Variants in GRAMD4 observed in about 807,000 individuals in gnomAD.
GRAMD4 encodes GRAM domain containing 4, also known as GRAM domain-containing protein 4.
GRAMD4 carries 25 observed loss-of-function variants against 83.9 expected under a neutral mutation model. The observed-to-expected ratio is 0.30, with a 90% CI of 0.22 to 0.42. GRAMD4 has a LOEUF of 0.42. GRAMD4 is among the 10% of genes least tolerant of loss of function. The pLI is 1.00. For synonymous variants in GRAMD4, 336 were observed against 320.9 expected, an observed-to-expected ratio of 1.05 and a Z score of -0.50; for missense variants, 593 against 788.7, an observed-to-expected ratio of 0.75 and a Z score of 2.97.
Position 46,621,920 on chromosome 22 carries a change from G to T in GRAMD4, c.-50+1355G>T, listed in dbSNP as rs1381593242. 6.6e-6 allele frequency among the ~76,000 whole-genome samples: 1 copy of T among 152,210 alleles called. No individual in the cohort carries two copies. The highest frequency in any genetic ancestry group is 2.4e-5 in the African/African-American group (1 of 41,446). ...TGGACCCAGGGAGTTGGGTGAGGAG[G>T]GTGGTGGAGTCAGTGGGGCTGAGAG... On this transcript the variant is annotated intron_variant, in intron 1 of 18. Coordinates refer to ENST00000406902, the MANE Select transcript of GRAMD4 (RefSeq NM_015124.5). The surrounding 1 kb of genome is among the most constrained non-coding windows in gnomAD (Gnocchi z 5.8).
chr22:46,621,828 G>A lies in GRAMD4; in HGVS notation c.-50+1263G>A, dbSNP rs2081580537. Among the ~76,000 whole-genome samples the A allele has an allele frequency of 6.6e-6, 1 of 152,246 alleles. No homozygotes were observed. The highest frequency in any genetic ancestry group is 1.5e-5 in the Non-Finnish European group (1 of 68,038). On this transcript the variant is annotated intron_variant, in intron 1 of 18. Transcript: ENST00000406902. The surrounding 1 kb of genome is among the most constrained non-coding windows in gnomAD (Gnocchi z 5.8). Reference sequence around the variant, plus strand: ...GAAGGTCCATCCCTGGCAGTGTGTGGTGACATGTGTCGTGACATGGAGTTT... The same window carrying A: ...GAAGGTCCATCCCTGGCAGTGTGTGATGACATGTGTCGTGACATGGAGTTT...
Position 46,677,449 on chromosome 22 carries a change from C to T in GRAMD4, c.*198C>T. On this transcript the variant is annotated 3_prime_UTR_variant, in exon 19 of 19. Transcript: ENST00000406902. ...GCCAGGGCTCACAGGGACGGGGGTG[C>T]CCCTCTCCCACAGGGCACGTCAGGT... The T allele has an allele frequency of 7.4e-7, 1 of 1,346,570 alleles. No homozygotes were observed. The highest frequency in any genetic ancestry group is 9.5e-7 in the Non-Finnish European group (1 of 1,047,982). 83.4% of individuals were successfully genotyped at this position (1,346,570 alleles called of 1,614,324 possible).
intron 3 of GRAMD4, among the ~76,000 whole-genome samples, chr22:46,655,222 C>A (rs1466640199): frequency 6.6e-6 from 1 of 151,560 alleles, no homozygotes; most frequent in Non-Finnish European, 1.5e-5. Flanking sequence ...GTGGCTTAAG[C>A]CCAAAAAGCA....
chr22:46,591,204 T>C (rs2081204050), intron 1 of GRAMD4, among the ~76,000 whole-genome samples: 1 of 152,230 alleles, frequency 6.6e-6, no homozygotes, highest in African/African-American at 2.4e-5. Flanking sequence ...TCTTAAATTC[T>C]CTCTTCAGGG....
intron 1 of GRAMD4, chr22:46,587,896 T>A: frequency 1.0e-6 from 1 of 985,176 alleles, no homozygotes; most frequent in Non-Finnish European, 1.2e-6. Context: ...GGGAGGATGG[T>A]ACAGGGCTCC....
chr22:46,583,871 C>G (rs545882440), intron 1 of GRAMD4, among the ~76,000 whole-genome samples: 1 of 152,168 alleles, frequency 6.6e-6, no homozygotes, highest in Admixed American at 6.5e-5. Context: ...TCACTACACG[C>G]GGCCACACTT....
At position 46,658,135 on chromosome 22, in the gene GRAMD4, C is replaced by T. The variant is rs1194643205; in HGVS notation, c.284-52C>T. 3.1e-6 allele frequency: 5 copies of T among 1,609,558 alleles called. No individual in the cohort carries two copies. The South Asian group carries it at 3.3e-5, about 11-fold the overall frequency. ...CACCCCTGCCCCAGCATCCCAGAGT[C>T]GGGGTCGCGTGGACATGAGCGATGG... On this transcript the variant is annotated intron_variant, in intron 3 of 18. Coordinates refer to ENST00000406902, the MANE Select transcript of GRAMD4 (RefSeq NM_015124.5).
downstream of GRAMD4, among the ~76,000 whole-genome samples, chr22:46,680,686 CT>C (rs2082661729): frequency 8.8e-6 from 1 of 113,092 alleles, no homozygotes; most frequent in Admixed American, 8.7e-5. Context: ...ATCCACCCAC[CT>C]ATTCATCCAC....
Position 46,626,797 on chromosome 22 carries a change from A to C in GRAMD4, c.-3A>C. ...GGTGAAGCAGAGGACCTCAGTGCTG[A>C]ACATGCTAAGGAGGTTGGACAAAAT... is the stretch of plus-strand genomic sequence containing the variant. On this transcript the variant is annotated 5_prime_UTR_variant, in exon 2 of 19. Coordinates refer to ENST00000406902, the MANE Select transcript of GRAMD4 (RefSeq NM_015124.5). 1 of 1,613,858 alleles carries C rather than the reference A, an allele frequency of 6.2e-7. No individual in the cohort carries two copies. Among genetic ancestry groups the C allele is most frequent in the Non-Finnish European group, 8.5e-7 (1 of 1,179,766 alleles).
intron 1 of GRAMD4, among the ~76,000 whole-genome samples, chr22:46,601,871 C>T (rs1476584935): frequency 6.6e-6 from 1 of 152,152 alleles, no homozygotes; most frequent in Non-Finnish European, 1.5e-5. Flanking sequence ...CCGAACTCAC[C>T]ATGGATCAAG....
intron 3 of GRAMD4, among the ~76,000 whole-genome samples, chr22:46,645,119 G>C (rs913653239): frequency 6.6e-6 from 1 of 151,704 alleles, no homozygotes; most frequent in African/African-American, 2.4e-5. Flanking sequence ...ATAGTTCTTC[G>C]CAGGCTGTCT....
chr22:46,673,029 G>T lies in GRAMD4; in HGVS notation c.1239+32G>T, dbSNP rs1020971340. The T allele has an allele frequency of 2.6e-6, 4 of 1,513,570 alleles. No homozygotes were observed. The African/African-American group carries it at 4.4e-5, about 17-fold the overall frequency. 93.8% of individuals were successfully genotyped at this position (1,513,570 alleles called of 1,614,324 possible). On this transcript the variant is annotated intron_variant, in intron 14 of 18. Coordinates refer to ENST00000406902, the MANE Select transcript of GRAMD4 (RefSeq NM_015124.5). ...CCGGCCCCCAGCTGCGGGGATGGGG[G>T]GATGGGGGGCCACGAAGCCGGGCAT...
intron 13 of GRAMD4, among the ~76,000 whole-genome samples, chr22:46,670,192 T>G (rs1430994333): frequency 6.6e-6 from 1 of 152,202 alleles, no homozygotes; most frequent in Non-Finnish European, 1.5e-5. Context: ...GAAGAGCAGA[T>G]GCCCCCTGCC....
Position 46,621,032 on chromosome 22 carries a change from C to T in GRAMD4, c.-50+467C>T, listed in dbSNP as rs1484327504. On this transcript the variant is annotated intron_variant, in intron 1 of 18. Coordinates refer to ENST00000406902, the MANE Select transcript of GRAMD4 (RefSeq NM_015124.5). This position sits in a 1 kb window ranked among gnomAD's most constrained non-coding sequence, Gnocchi z 5.8. ...GTGGAGGGGCTGGTCCTGGGGAGAG[C>T]GGCTGGGCTGCAGGCTGAGGAGCTG... 3.4e-5 allele frequency among the ~76,000 whole-genome samples: 5 copies of T among 146,510 alleles called. No homozygotes were observed. The highest frequency in any genetic ancestry group is 2.2e-4 in the South Asian group (1 of 4,448).
chr22:46,639,305 G>A (rs2081939091), intron 3 of GRAMD4, among the ~76,000 whole-genome samples: 1 of 151,998 alleles, frequency 6.6e-6, no homozygotes, highest in African/African-American at 2.4e-5. Context: ...TGTGTGCAGC[G>A]GTGGTTAACC....
intron 1 of GRAMD4, among the ~76,000 whole-genome samples, chr22:46,611,300 C>T (rs1000312886): frequency 4.0e-5 from 6 of 151,886 alleles, no homozygotes; most frequent in South Asian, 2.1e-4. Context: ...GGCAGAGGGG[C>T]CTATGAGCTG....
chr22:46,654,508 C>T (rs1184446009), intron 3 of GRAMD4, among the ~76,000 whole-genome samples: 1 of 152,196 alleles, frequency 6.6e-6, no homozygotes. Context: ...AGTGGCTCCA[C>T]GAGGGCGGGG....
At chr22:46,599,280 C>T (rs1214450946) in intron 1 of GRAMD4, among the ~76,000 whole-genome samples, 2 of 151,942 alleles carry the variant, frequency 1.3e-5, no homozygotes, top group African/African-American at 2.4e-5. Flanking sequence ...ATTTTTCAGA[C>T]GTTGAGCTGG....
Position 46,627,904 on chromosome 22 carries a change from C to G in GRAMD4, c.162+943C>G, listed in dbSNP as rs374184025. On this transcript the variant is annotated intron_variant, in intron 2 of 18. Transcript: ENST00000406902. Reference sequence around the variant, plus strand: ...TCACTACAGACCACAGAGTGCCCGGCCTGCCGGGATCGGCCATCCCCAGGC... The same window carrying G: ...TCACTACAGACCACAGAGTGCCCGGGCTGCCGGGATCGGCCATCCCCAGGC... Among the ~76,000 whole-genome samples the G allele has an allele frequency of 3.4e-4, 52 of 152,364 alleles. 1 individual carries two copies. In the South Asian group the frequency reaches 9.9e-3, roughly 29 times the overall value.
Sources: allele counts gnomAD v4.1 joint callset (sites outside exome capture counted in the v4.1 genomes callset), GRCh38; gene constraint gnomAD v4.1.1; non-coding constraint Gnocchi (gnomAD v3.1); transcripts MANE v1.5; gene names NCBI Gene and HGNC (gene_info 2026-07-23, HGNC 2026-07-21).